GHR: variants seen among roughly 807,000 people sequenced by gnomAD.
GHR encodes the protein GH receptor.
GHR carries 35 observed loss-of-function variants against 67.1 expected under a neutral mutation model. The ratio of observed to expected loss-of-function variants is 0.52; its 90% CI spans 0.40 to 0.69. GHR has a LOEUF of 0.69. Ranked by LOEUF, GHR falls within the 30% of genes least tolerant of loss-of-function variation. The pLI, the probability that GHR is intolerant of heterozygous loss-of-function variation, is 0.00. For missense variants in GHR, 792 were observed against 764.6 expected (o/e 1.04, Z -0.42); for synonymous variants, 272 against 269.1 (o/e 1.01, Z -0.10).
At chr5:42,697,049 A>G (rs555977156) in intron 5 of GHR, among the ~76,000 whole-genome samples, 79 of 152,312 alleles carry the variant, frequency 5.2e-4, no homozygotes, top group Non-Finnish European at 9.3e-4. Context: ...TGAGATGATC[A>G]AGGTAAAAGA....
chr5:42,649,338 C>A (rs1224709550), intron 3 of GHR, among the ~76,000 whole-genome samples: 1 of 151,994 alleles, frequency 6.6e-6, no homozygotes, highest in Non-Finnish European at 1.5e-5. Context: ...AGCTGAGATT[C>A]TTCAGAACAT....
intron 1 of GHR, among the ~76,000 whole-genome samples, chr5:42,534,268 GTGTATATA>G (rs1452186612): frequency 3.0e-5 from 4 of 133,142 alleles, no homozygotes; most frequent in Non-Finnish European, 4.7e-5. Flanking sequence ...ATGTGTATAT[GTGTATATA>G]TGTATATATG....
chr5:42,504,288 A>C (rs1312667094), intron 1 of GHR, among the ~76,000 whole-genome samples: 1 of 152,152 alleles, frequency 6.6e-6, no homozygotes, highest in Non-Finnish European at 1.5e-5. Context: ...CCCAATTTTT[A>C]ATGAGAAGGG....
At chr5:42,660,476 C>A (rs2090477309) in intron 3 of GHR, among the ~76,000 whole-genome samples, 1 of 152,208 alleles carries the variant, frequency 6.6e-6, no homozygotes. Context: ...TCTGCAGCCA[C>A]CGCTGCTGGT....
intron 6 of GHR, among the ~76,000 whole-genome samples, chr5:42,710,042 G>T (rs1758377687): frequency 6.7e-6 from 1 of 149,444 alleles, no homozygotes; most frequent in Non-Finnish European, 1.5e-5. Context: ...GAAAACATAG[G>T]CTTTAAAAAA....
chr5:42,517,599 TAAA>T (rs1486969776), intron 1 of GHR, among the ~76,000 whole-genome samples: 1 of 152,112 alleles, frequency 6.6e-6, no homozygotes, highest in East Asian at 1.9e-4. Flanking sequence ...CTGCTCCAAT[TAAA>T]GAAGAAAATT....
rs547512339 is a variant in GHR, at chr5:42,476,587, A to G, written c.-12+52632A>G. Among the ~76,000 whole-genome samples, 10 of 152,346 alleles carry G rather than the reference A, an allele frequency of 6.6e-5. No individual in the cohort carries two copies. The South Asian group carries it at 2.1e-3, about 32-fold the overall frequency. ...TTGATGATGAATTATGAAAATCATG[A>G]TGAGAAACTCCTGACTGAAGAGAGA... On this transcript the variant is annotated intron_variant, in intron 1 of 9. Transcript: ENST00000230882.
At chr5:42,696,798 C>T (rs1479814925) in intron 5 of GHR, among the ~76,000 whole-genome samples, 6 of 152,162 alleles carry the variant, frequency 3.9e-5, no homozygotes, top group Non-Finnish European at 5.9e-5. Flanking sequence ...GGTATAAAAA[C>T]CATCTTTTGC....
intron 1 of GHR, among the ~76,000 whole-genome samples, chr5:42,510,052 A>AC (rs1746945594): frequency 2.0e-5 from 3 of 151,676 alleles, no homozygotes; most frequent in African/African-American, 4.9e-5. Context: ...TGAATCGATC[A>AC]CCCCCCTAAC....
intron 3 of GHR, among the ~76,000 whole-genome samples, chr5:42,679,479 G>T (rs915782923): frequency 6.6e-6 from 1 of 151,878 alleles, no homozygotes; most frequent in Non-Finnish European, 1.5e-5. Context: ...ATAAAAATTA[G>T]CTGGGCACGG....
chr5:42,633,667 T>C (rs1754032863), intron 3 of GHR, among the ~76,000 whole-genome samples: 1 of 152,192 alleles, frequency 6.6e-6, no homozygotes, highest in Middle Eastern at 3.2e-3. Context: ...CAATCATCTA[T>C]AGTAGCTCCA....
At chr5:42,478,542 T>C (rs1382304436) in intron 1 of GHR, among the ~76,000 whole-genome samples, 1 of 152,228 alleles carries the variant, frequency 6.6e-6, no homozygotes, top group African/African-American at 2.4e-5. Context: ...CATTTGTTTG[T>C]ATCCTCTTTT....
Position 42,700,013 on chromosome 5 carries a change from G to A in GHR, c.618+11G>A. The A allele has an allele frequency of 6.5e-7, 1 of 1,535,346 alleles. No individual in the cohort carries two copies. The highest frequency in any genetic ancestry group is 9.0e-7 in the Non-Finnish European group (1 of 1,109,238). On this transcript the variant is annotated intron_variant, in intron 6 of 9. Transcript: ENST00000230882. ...ACTAAATGGAAAATGGTAAGATGTTGCTACACCTTACACTTTGACTTTTCT... is the reference window on the plus strand; with the variant it reads ...ACTAAATGGAAAATGGTAAGATGTTACTACACCTTACACTTTGACTTTTCT...
intron 1 of GHR, among the ~76,000 whole-genome samples, chr5:42,484,135 T>A (rs1745779028): frequency 6.6e-6 from 1 of 152,226 alleles, no homozygotes; most frequent in African/African-American, 2.4e-5. Context: ...GGAAATTGTT[T>A]TCTTTTTAGA....
At chr5:42,696,544 TTCCAAC>T (rs1294348850) in intron 5 of GHR, among the ~76,000 whole-genome samples, 1 of 152,132 alleles carries the variant, frequency 6.6e-6, no homozygotes, top group African/African-American at 2.4e-5. Context: ...AACTACTAAG[TTCCAAC>T]AGTAACTTAG....
At chr5:42,526,410 A>G (rs546703895) in intron 1 of GHR, among the ~76,000 whole-genome samples, 1 of 152,370 alleles carries the variant, frequency 6.6e-6, no homozygotes, top group African/African-American at 2.4e-5. Flanking sequence ...ATAACATAAA[A>G]GTACAAGATG....
intron 1 of GHR, among the ~76,000 whole-genome samples, chr5:42,438,055 A>G (rs967925056): frequency 6.6e-6 from 1 of 152,188 alleles, no homozygotes; most frequent in South Asian, 2.1e-4. Flanking sequence ...AACTCTTAGA[A>G]GGCAAAGGGC....
intron 4 of GHR, among the ~76,000 whole-genome samples, chr5:42,692,352 AG>A (rs2111683361): frequency 2.0e-5 from 3 of 152,154 alleles, no homozygotes; most frequent in Admixed American, 2.0e-4. Context: ...TTCACAAGAT[AG>A]TCTGGGAGCA....
chr5:42,475,364 G>A (rs1745256644), intron 1 of GHR, among the ~76,000 whole-genome samples: 1 of 152,070 alleles, frequency 6.6e-6, no homozygotes, highest in Non-Finnish European at 1.5e-5. Context: ...GTTGAAGCCT[G>A]AGGGTCCCTC....
Sources: allele counts gnomAD v4.1 joint callset (sites outside exome capture counted in the v4.1 genomes callset), GRCh38; gene constraint gnomAD v4.1.1; transcripts MANE v1.5; gene names NCBI Gene and HGNC (gene_info 2026-07-23, HGNC 2026-07-21).